Variants in PEAK1 observed in about 807,000 individuals in gnomAD.
PEAK1 encodes the protein inactive tyrosine-protein kinase PEAK1.
In PEAK1, 54 loss-of-function variants were observed where a neutral mutation model predicts 124.7. That is an observed-to-expected ratio of 0.43 (90% CI 0.35 to 0.54). PEAK1 has a LOEUF of 0.54. Ranked by LOEUF, PEAK1 falls within the 20% of genes least tolerant of loss-of-function variation. The pLI is 0.01. For synonymous variants in PEAK1, 719 were observed against 760.0 expected (o/e 0.95, Z 0.89); for missense variants, 2,046 against 2,134.5 (o/e 0.96, Z 0.82).
At chr15:77,175,425 A>C (rs1176676518) in intron 7 of PEAK1, among the ~76,000 whole-genome samples, 2 of 151,550 alleles carry the variant, frequency 1.3e-5, no homozygotes, top group African/African-American at 4.8e-5. Context: ...AAACAACCCC[A>C]TCAAAAAGTG....
intron 6 of PEAK1, among the ~76,000 whole-genome samples, chr15:77,225,629 A>ATG (rs146458404): frequency 0.027 from 3,153 of 115,686 alleles, 79 homozygotes; most frequent in African/African-American, 0.059. Context: ...CTTTCTACAG[A>ATG]TGTGTGTGTG....
chr15:77,250,190 T>TAC (rs1410704633), intron 6 of PEAK1, among the ~76,000 whole-genome samples: 1 of 112,074 alleles, frequency 8.9e-6, no homozygotes, highest in African/African-American at 3.0e-5. Flanking sequence ...TGTATATATA[T>TAC]ACATATATAT....
intron 6 of PEAK1, among the ~76,000 whole-genome samples, chr15:77,202,947 G>A (rs962624389): frequency 2.6e-5 from 4 of 151,400 alleles, no homozygotes; most frequent in Admixed American, 6.6e-5. Context: ...TGAGGTGGGA[G>A]GATGGCTTAA....
intron 1 of PEAK1, among the ~76,000 whole-genome samples, chr15:77,383,123 A>G (rs1322726025): frequency 1.3e-5 from 2 of 150,702 alleles, no homozygotes; most frequent in Non-Finnish European, 2.9e-5. Flanking sequence ...GCCCGGGTTC[A>G]AGCAAGTCTC....
intron 1 of PEAK1, among the ~76,000 whole-genome samples, chr15:77,406,473 C>T (rs1354143855): frequency 6.6e-6 from 1 of 152,160 alleles, no homozygotes; most frequent in Admixed American, 6.5e-5. Flanking sequence ...AGTAGCACTG[C>T]TATATACCAA....
At chr15:77,243,358 G>A (rs1434638368) in intron 6 of PEAK1, among the ~76,000 whole-genome samples, 2 of 152,164 alleles carry the variant, frequency 1.3e-5, no homozygotes, top group African/African-American at 2.4e-5. Context: ...CCTACATGTT[G>A]TTTCCATGGC....
At chr15:77,278,376 G>A (rs975547633) in intron 5 of PEAK1, 9 of 278,952 alleles carry the variant, frequency 3.2e-5, no homozygotes, top group Non-Finnish European at 4.9e-5. Context: ...CAATTTATAG[G>A]AGCAGTGTAA....
chr15:77,358,479 CTTTAT>C (rs1316356802), intron 2 of PEAK1, among the ~76,000 whole-genome samples: 1 of 152,174 alleles, frequency 6.6e-6, no homozygotes, highest in East Asian at 1.9e-4. Context: ...ATGCTGTAAA[CTTTAT>C]TTTATTTGAA....
intron 1 of PEAK1, among the ~76,000 whole-genome samples, chr15:77,391,617 T>C (rs960333000): frequency 2.0e-5 from 3 of 150,870 alleles, no homozygotes; most frequent in Non-Finnish European, 4.4e-5. Flanking sequence ...CAGGCTAAGA[T>C]AACAGTACCC....
intron 1 of PEAK1, among the ~76,000 whole-genome samples, chr15:77,412,247 C>T (rs1453233549): frequency 6.6e-6 from 1 of 152,180 alleles, no homozygotes; most frequent in East Asian, 1.9e-4. Flanking sequence ...CTGGACCATT[C>T]TTCTCTGAAC....
chr15:77,236,852 G>C (rs1308451679), intron 6 of PEAK1, among the ~76,000 whole-genome samples: 1 of 152,130 alleles, frequency 6.6e-6, no homozygotes, highest in Non-Finnish European at 1.5e-5. Context: ...GAGGTCTCAT[G>C]AGATCTGATG....
chr15:77,105,656 G>A (rs2050744009), downstream of PEAK1: 2 of 152,264 alleles, frequency 1.3e-5, no homozygotes, highest in African/African-American at 4.8e-5. Flanking sequence ...TTATAAGGAA[G>A]CATAATTTGC....
At chr15:77,242,470 G>C (rs2060401706) in intron 6 of PEAK1, among the ~76,000 whole-genome samples, 1 of 152,002 alleles carries the variant, frequency 6.6e-6, no homozygotes, top group Non-Finnish European at 1.5e-5. Flanking sequence ...TAAGCCTCTA[G>C]GCTATCTGCT....
At chr15:77,101,381 A>C (rs534471552) in exon 7 of PEAK1, 32 of 152,344 alleles carry the variant, frequency 2.1e-4, no homozygotes, top group African/African-American at 7.0e-4. Flanking sequence ...ATTTGAATTC[A>C]CAGTATCTTT....
chr15:77,129,726 G>A (rs946486988), intron 9 of PEAK1, among the ~76,000 whole-genome samples: 1 of 151,882 alleles, frequency 6.6e-6, no homozygotes, highest in African/African-American at 2.4e-5. Context: ...GATTACAGGC[G>A]TGAGCCACCA....
chr15:77,132,321 G>A (rs568031160), intron 9 of PEAK1, among the ~76,000 whole-genome samples: 1 of 151,874 alleles, frequency 6.6e-6, no homozygotes, highest in Non-Finnish European at 1.5e-5. Context: ...CTGGGCTCAA[G>A]CTATCCACCT....
rs571477942 is a variant in PEAK1, at chr15:77,194,870, G to A, written c.-114-12830C>T. ...GAACTGAAAAAGCTTTTCCATGTGG[G>A]CAAATAGCCCTATATCCCTTAAGGG... On this transcript the variant is annotated intron_variant, in intron 6 of 9. Coordinates refer to ENST00000682557, the MANE Select transcript of PEAK1 (RefSeq NM_001385026.1). 3.1e-4 allele frequency among the ~76,000 whole-genome samples: 47 copies of A among 152,192 alleles called. No individual in the cohort carries two copies. In the South Asian group the frequency reaches 8.1e-3, roughly 26 times the overall value.
In PEAK1 at chr15:77,271,816, GACATACC is replaced by G. The variant is rs2062049145; in HGVS notation, c.-275+12060_-275+12066del. Among the ~76,000 whole-genome samples, 7 of 152,180 alleles carry G rather than the reference GACATACC, an allele frequency of 4.6e-5. No homozygotes were observed. In the South Asian group the frequency reaches 1.5e-3, roughly 32 times the overall value. Reference sequence around the variant, plus strand: ...GGAGCGGGGAGGGATAGCATTAGGAGACATACCTAATGTAAATGACGAGTTAATGGGT... The same window carrying G: ...GGAGCGGGGAGGGATAGCATTAGGAGTAATGTAAATGACGAGTTAATGGGT... On this transcript the variant is annotated intron_variant, in intron 5 of 9. Coordinates refer to ENST00000682557, the MANE Select transcript of PEAK1 (RefSeq NM_001385026.1).
chr15:77,352,744 A>AC (rs2067283664), intron 2 of PEAK1: 3 of 966,062 alleles, frequency 3.1e-6, no homozygotes, highest in South Asian at 9.6e-5. Flanking sequence ...CAGACAAAAA[A>AC]TATTTTCCCT....
Sources: gnomAD v4.1 joint callset for allele counts (sites outside exome capture counted in the v4.1 genomes callset) on GRCh38, gnomAD v4.1.1 for gene constraint, MANE v1.5 for transcripts, NCBI Gene and HGNC (gene_info 2026-07-23, HGNC 2026-07-21) for gene names.